TRAK1: variants seen among roughly 807,000 people sequenced by gnomAD.
The protein encoded by TRAK1 is trafficking kinesin protein 1.
A neutral mutation model predicts 92.1 loss-of-function variants in TRAK1; 33 were observed. The observed-to-expected ratio is 0.36, with a 90% CI of 0.27 to 0.48. TRAK1 has a LOEUF of 0.48. Ranked by LOEUF, TRAK1 falls within the 20% of genes least tolerant of loss-of-function variation. The pLI is 0.99. For synonymous variants in TRAK1, 521 were observed against 517.3 expected (o/e 1.01, Z -0.10); for missense variants, 1,123 against 1,257.9 (o/e 0.89, Z 1.62).
At chr3:42,094,635 G>A (rs1227286881) in intron 1 of TRAK1, among the ~76,000 whole-genome samples, 1 of 152,154 alleles carries the variant, frequency 6.6e-6, no homozygotes, top group Non-Finnish European at 1.5e-5. Flanking sequence ...GCTTTCCAAA[G>A]TGTTGGAATT....
intron 3 of TRAK1, among the ~76,000 whole-genome samples, chr3:42,183,390 T>C (rs1311719099): frequency 2.0e-5 from 3 of 151,782 alleles, no homozygotes; most frequent in Non-Finnish European, 2.9e-5. Flanking sequence ...ACCCTGTCTC[T>C]ACTAAAAATA....
intron 1 of TRAK1, among the ~76,000 whole-genome samples, chr3:42,067,422 T>A (rs759906614): frequency 6.6e-6 from 1 of 152,224 alleles, no homozygotes; most frequent in Non-Finnish European, 1.5e-5. Context: ...AGTCAAAATA[T>A]AGTGACAGAT....
chr3:42,017,364 T>G (rs935575954), intron 1 of TRAK1, among the ~76,000 whole-genome samples: 4 of 151,880 alleles, frequency 2.6e-5, no homozygotes, highest in African/African-American at 7.3e-5. Context: ...GATGTTCTTT[T>G]TAAAAGATGG....
At chr3:42,100,811 C>G (rs1706642700) in intron 1 of TRAK1, among the ~76,000 whole-genome samples, 1 of 152,082 alleles carries the variant, frequency 6.6e-6, no homozygotes, top group African/African-American at 2.4e-5. Flanking sequence ...GGATTACAGG[C>G]ACCTGCCACC....
intron 1 of TRAK1, among the ~76,000 whole-genome samples, chr3:42,049,929 G>A (rs1702913453): frequency 6.6e-6 from 1 of 152,130 alleles, no homozygotes; most frequent in South Asian, 2.1e-4. Flanking sequence ...CAAGTTGGAG[G>A]CTTTCCTCAG....
chr3:42,097,657 A>G (rs760678821), intron 1 of TRAK1, among the ~76,000 whole-genome samples: 5 of 152,122 alleles, frequency 3.3e-5, no homozygotes, highest in Non-Finnish European at 7.3e-5. Flanking sequence ...TTTATATCCT[A>G]TTTTTATACT....
At chr3:42,023,953 C>T (rs375702938) in intron 1 of TRAK1, among the ~76,000 whole-genome samples, 1 of 151,956 alleles carries the variant, frequency 6.6e-6, no homozygotes, top group Non-Finnish European at 1.5e-5. Context: ...TGGGGTTTCG[C>T]CATGTTGGCC....
chr3:42,160,874 T>A (rs1701201984), intron 2 of TRAK1, among the ~76,000 whole-genome samples: 1 of 151,518 alleles, frequency 6.6e-6, no homozygotes, highest in African/African-American at 2.4e-5. Flanking sequence ...ATATCACTAA[T>A]TTTTTTTTGT....
At position 42,209,907 on chromosome 3, in the gene TRAK1, G is replaced by A; in HGVS notation, c.1885G>A (p.Glu629Lys). ...LDEVYCLNDF[E>K]EDDTGDHISL... ...CGAAGTGTACTGCCTTAACGACTTTGAAGAAGATGACACAGGTGACCACAT... is the reference window on the plus strand; with the variant it reads ...CGAAGTGTACTGCCTTAACGACTTTAAAGAAGATGACACAGGTGACCACAT... The change falls in exon 14 of 16, where the codon GAA becomes AAA. Residue 629 changes from glutamate (E) to lysine (K), a missense_variant. Coordinates refer to ENST00000327628, the MANE Select transcript of TRAK1 (RefSeq NM_001042646.3). The A allele has an allele frequency of 6.2e-7, 1 of 1,614,204 alleles. No homozygotes were observed. The highest frequency in any genetic ancestry group is 8.5e-7 in the Non-Finnish European group (1 of 1,180,040).
chr3:42,105,818 C>T (rs1025174661), intron 1 of TRAK1, among the ~76,000 whole-genome samples: 1 of 152,228 alleles, frequency 6.6e-6, no homozygotes, highest in Non-Finnish European at 1.5e-5. Context: ...AACAGCAGAT[C>T]TCTCAGCAGA....
rs972724904 is a variant in TRAK1, at chr3:42,174,660, TAC to T, written c.287-2148_287-2147del. Among the ~76,000 whole-genome samples, 560 of 148,898 alleles carry T rather than the reference TAC, an allele frequency of 3.8e-3. 7 individuals carry two copies. Among genetic ancestry groups the T allele is most frequent in the African/African-American group, 0.013 (541 of 40,772 alleles). On this transcript the variant is annotated intron_variant, in intron 2 of 15. Transcript: ENST00000327628. ...TAATTTTTGTGTGTATATATATATA[TAC>T]ACACAAAATTTTTATATATATGCAA...
At chr3:42,081,645 A>G (rs1311033191) in intron 1 of TRAK1, among the ~76,000 whole-genome samples, 8 of 152,208 alleles carry the variant, frequency 5.3e-5, no homozygotes, top group African/African-American at 1.4e-4. Flanking sequence ...CCATGTAGAT[A>G]GGTATGTGGA....
chr3:42,179,938 G>T (rs1559883141), intron 3 of TRAK1, among the ~76,000 whole-genome samples: 2 of 151,240 alleles, frequency 1.3e-5, no homozygotes, highest in Admixed American at 6.6e-5. Context: ...TCACTATGTT[G>T]CCCAGGCTGG....
At chr3:42,101,417 A>G (rs1476754528) in intron 1 of TRAK1, among the ~76,000 whole-genome samples, 2 of 152,218 alleles carry the variant, frequency 1.3e-5, no homozygotes, top group African/African-American at 4.8e-5. Flanking sequence ...AGGTGACAGG[A>G]GTGGCACTGA....
chr3:42,017,706 G>A (rs1422879416), intron 1 of TRAK1, among the ~76,000 whole-genome samples: 1 of 152,292 alleles, frequency 6.6e-6, no homozygotes, highest in African/African-American at 2.4e-5. Flanking sequence ...TTTATGAAAG[G>A]CTGTGTAGTA....
chr3:42,094,237 G>C (rs1705563829), intron 1 of TRAK1, among the ~76,000 whole-genome samples: 1 of 152,168 alleles, frequency 6.6e-6, no homozygotes. Flanking sequence ...GAGCAGCTGG[G>C]TTGGTGTGTG....
In TRAK1 at chr3:42,202,519, T is replaced by G. The variant is rs1005603897; in HGVS notation, c.1511T>G (p.Leu504Arg). ...DLETALRRLS[L>R]RRENYLSERR... ...GAGACGGCGCTGAGGCGGCTGTCCCTGCGCCGGGAGAACTACCTCTCGGAG... is the reference window on the plus strand; with the variant it reads ...GAGACGGCGCTGAGGCGGCTGTCCCGGCGCCGGGAGAACTACCTCTCGGAG... Residue 504 changes from leucine to arginine, a missense_variant, in exon 13 of 16, where the codon CTG (leucine) becomes CGG (arginine). By Grantham distance (102) the Leu-to-Arg change is moderately radical. This residue lies in a region of TRAK1 where 686 missense variants were observed against 747.6 expected (regional missense o/e 0.92). Coordinates refer to ENST00000327628, the MANE Select transcript of TRAK1 (RefSeq NM_001042646.3). This position sits in a 1 kb window ranked among gnomAD's most constrained non-coding sequence, Gnocchi z 6.1. 6.5e-7 allele frequency: 1 copy of G among 1,540,786 alleles called. No homozygotes were observed. The highest frequency in any genetic ancestry group is 8.8e-7 in the Non-Finnish European group (1 of 1,136,810).
At chr3:42,068,265 CCTT>C (rs1463863310) in intron 1 of TRAK1, among the ~76,000 whole-genome samples, 2 of 152,164 alleles carry the variant, frequency 1.3e-5, no homozygotes, top group Non-Finnish European at 2.9e-5. Flanking sequence ...CTCAAGCGAT[CCTT>C]CTACTTTAGC....
intron 4 of TRAK1, among the ~76,000 whole-genome samples, chr3:42,187,762 C>T (rs76841940): frequency 0.061 from 9,235 of 152,114 alleles, 294 homozygotes; most frequent in Middle Eastern, 0.085. Flanking sequence ...CCACCGTGCC[C>T]GGCCCCCAAG....
Sources: gnomAD v4.1 joint callset for allele counts (sites outside exome capture counted in the v4.1 genomes callset) on GRCh38, gnomAD v4.1.1 for gene constraint, gnomAD v4.1.1 regional missense constraint, Gnocchi (gnomAD v3.1) non-coding constraint, MANE v1.5 for transcripts, NCBI Gene and HGNC (gene_info 2026-07-23, HGNC 2026-07-21) for gene names.